Variants in DENND1A observed in about 807,000 individuals in gnomAD.
The protein encoded by DENND1A is DENN domain-containing protein 1A.
Under a neutral mutation model 113.7 loss-of-function variants are expected in DENND1A, and 51 were observed. The ratio of observed to expected loss-of-function variants is 0.45; its 90% CI spans 0.36 to 0.57. The LOEUF (loss-of-function observed/expected upper bound fraction) is 0.57. DENND1A is among the 20% of genes least tolerant of loss of function. The probability of loss-of-function intolerance (pLI) is 0.00; values close to 1 mark genes in which losing one functional copy is unlikely to be tolerated. For missense variants in DENND1A, 1,258 were observed against 1,395.9 expected (o/e 0.90, Z 1.57); for synonymous variants, 565 against 570.8 (o/e 0.99, Z 0.14).
intron 5 of DENND1A, among the ~76,000 whole-genome samples, chr9:123,697,309 T>G (rs76861616): frequency 0.047 from 7,115 of 152,298 alleles, 252 homozygotes; most frequent in Non-Finnish European, 0.068. Flanking sequence ...CAAAATTAAT[T>G]TAAAAGTACA....
At chr9:123,746,873 A>G (rs2069557142) in intron 5 of DENND1A, among the ~76,000 whole-genome samples, 1 of 152,190 alleles carries the variant, frequency 6.6e-6, no homozygotes, top group African/African-American at 2.4e-5. Context: ...TTTTTCATAT[A>G]CTAATAAAAA....
intron 5 of DENND1A, among the ~76,000 whole-genome samples, chr9:123,710,534 AAC>A (rs59599155): frequency 0.18 from 20,402 of 116,312 alleles, 3,103 homozygotes; most frequent in African/African-American, 0.48. Flanking sequence ...AGCCTCATTA[AAC>A]ACACACACAC....
intron 2 of DENND1A, among the ~76,000 whole-genome samples, chr9:123,861,947 C>T (rs1845118100): frequency 6.6e-6 from 1 of 152,150 alleles, no homozygotes; most frequent in Non-Finnish European, 1.5e-5. Flanking sequence ...GCTTTCCTTT[C>T]CAAATATGCC....
intron 9 of DENND1A, among the ~76,000 whole-genome samples, 181 bp from the exon 10 acceptor site, chr9:123,630,657 C>CA (rs2138619910): frequency 6.6e-6 from 1 of 152,124 alleles, no homozygotes; most frequent in South Asian, 2.1e-4. Context: ...GCTTTCTTTT[C>CA]AAAAAATCTT....
chr9:123,716,295 T>C (rs1004102401), intron 5 of DENND1A, among the ~76,000 whole-genome samples: 1 of 152,218 alleles, frequency 6.6e-6, no homozygotes, highest in African/African-American at 2.4e-5. Context: ...TGCATAACAC[T>C]TACCTTCAAA....
intron 5 of DENND1A, among the ~76,000 whole-genome samples, chr9:123,727,183 T>C (rs919151175): frequency 1.3e-5 from 2 of 152,240 alleles, no homozygotes; most frequent in Non-Finnish European, 2.9e-5. Context: ...GGAAATATAA[T>C]GAGAGTACCA....
intron 2 of DENND1A, among the ~76,000 whole-genome samples, chr9:123,851,864 G>C (rs927107492): frequency 6.6e-6 from 1 of 152,188 alleles, no homozygotes; most frequent in Non-Finnish European, 1.5e-5. Context: ...AGCAGGCTGA[G>C]AAACCACTCA....
At chr9:123,500,548 T>C (rs1053552966) in intron 13 of DENND1A, among the ~76,000 whole-genome samples, 3 of 152,348 alleles carry the variant, frequency 2.0e-5, no homozygotes. Context: ...ATAACACCTG[T>C]GAAGCCTATC....
At chr9:123,711,239 T>G (rs2066566495) in intron 5 of DENND1A, among the ~76,000 whole-genome samples, 1 of 150,804 alleles carries the variant, frequency 6.6e-6, no homozygotes, top group Non-Finnish European at 1.5e-5. Flanking sequence ...CTGAGGCGAG[T>G]GGATCACCTG....
At chr9:123,533,402 G>T (rs374048036) in intron 13 of DENND1A, among the ~76,000 whole-genome samples, 2 of 152,206 alleles carry the variant, frequency 1.3e-5, no homozygotes, top group African/African-American at 4.8e-5. Flanking sequence ...GAATCCATGG[G>T]ACTATTCCAA....
intron 12 of DENND1A, among the ~76,000 whole-genome samples, chr9:123,562,445 T>C (rs1292916932): frequency 6.6e-6 from 1 of 152,148 alleles, no homozygotes; most frequent in Non-Finnish European, 1.5e-5. Flanking sequence ...AAAAAGGACA[T>C]GGCGGTACTC....
At chr9:123,793,950 G>T (rs1049942151) in intron 2 of DENND1A, among the ~76,000 whole-genome samples, 1 of 152,166 alleles carries the variant, frequency 6.6e-6, no homozygotes, top group African/African-American at 2.4e-5. Context: ...TAAAAGCTGG[G>T]AATCAATTTC....
chr9:123,743,742 A>T (rs2069221929), intron 5 of DENND1A, among the ~76,000 whole-genome samples: 1 of 151,726 alleles, frequency 6.6e-6, no homozygotes. Context: ...CAAAAAAAAA[A>T]TAAAAAATAA....
In DENND1A at chr9:123,457,766, C is replaced by T. The variant is rs1447939246; in HGVS notation, c.1098+27G>A. 6 of 1,586,176 alleles carry T rather than the reference C, an allele frequency of 3.8e-6. No individual in the cohort carries two copies. The Admixed American group carries it at 5.3e-5, about 14-fold the overall frequency. On this transcript the variant is annotated intron_variant, in intron 14 of 23. Transcript: ENST00000394215. ...CAGAAATCCCCGCCAGGGAGCCAGA[C>T]CCAGGCCAGACCAGGGAGGGAGGCA...
chr9:123,603,339 T>C (rs997714309), intron 11 of DENND1A, among the ~76,000 whole-genome samples: 1 of 152,198 alleles, frequency 6.6e-6, no homozygotes, highest in Non-Finnish European at 1.5e-5. Context: ...TATTATTTTG[T>C]GTAAAAGCTC....
chr9:123,912,283 G>A (rs1854142070), intron 1 of DENND1A, among the ~76,000 whole-genome samples: 1 of 152,166 alleles, frequency 6.6e-6, no homozygotes, highest in South Asian at 2.1e-4. Flanking sequence ...GAAAGGCAGA[G>A]AGAGAAGCAG....
At position 123,678,578 on chromosome 9, in the gene DENND1A, T is replaced by C. The variant is rs147844210; in HGVS notation, c.303-1789A>G. ...AGGGGAATCAGCACCCTGTACAGAT[T>C]ACCGGCTGCGCCACTGAGGGTAATA... On this transcript the variant is annotated intron_variant, in intron 5 of 23. Transcript: ENST00000394215. Among the ~76,000 whole-genome samples the C allele has an allele frequency of 4.5e-3, 684 of 152,290 alleles. 2 individuals are homozygous for C. The highest frequency in any genetic ancestry group is 9.2e-3 in the Admixed American group (141 of 15,302).
At chr9:123,387,554 G>A (rs961173558) in intron 22 of DENND1A, among the ~76,000 whole-genome samples, 176 bp downstream of exon 22, 1 of 152,192 alleles carries the variant, frequency 6.6e-6, no homozygotes. Flanking sequence ...GCCCTGAGAG[G>A]TGGCACGCAG....
chr9:123,599,632 T>C (rs560843548), intron 11 of DENND1A, among the ~76,000 whole-genome samples: 4 of 152,170 alleles, frequency 2.6e-5, no homozygotes, highest in Non-Finnish European at 4.4e-5. Flanking sequence ...AAATTACAGA[T>C]AGATAAATGG....
Sources: allele counts gnomAD v4.1 joint callset (sites outside exome capture counted in the v4.1 genomes callset), GRCh38; gene constraint gnomAD v4.1.1; transcripts MANE v1.5; gene names NCBI Gene and HGNC (gene_info 2026-07-23, HGNC 2026-07-21).